Variants in COL9A3 observed in about 807,000 individuals in gnomAD.
The protein encoded by COL9A3 is collagen type IX alpha 3 chain, also known as collagen alpha-3(IX) chain.
COL9A3 carries 82 observed loss-of-function variants against 110.2 expected under a neutral mutation model. The observed-to-expected ratio is 0.74, with a 90% CI of 0.62 to 0.89. COL9A3 has a LOEUF of 0.89. Among genes scored for constraint, COL9A3 ranks in the 40% least tolerant of loss-of-function variants. COL9A3 has a pLI of 0.00. For missense variants in COL9A3, 1,066 were observed against 981.3 expected, an observed-to-expected ratio of 1.09 and a Z score of -1.15; for synonymous variants, 494 against 403.8, an observed-to-expected ratio of 1.22 and a Z score of -2.68.
intron 26 of COL9A3, among the ~76,000 whole-genome samples, chr20:62,835,357 CAG>C (rs962945882): frequency 6.6e-6 from 1 of 152,152 alleles, no homozygotes; most frequent in Non-Finnish European, 1.5e-5. Flanking sequence ...GAGGAGGTGC[CAG>C]AGAGAGAAAG....
In COL9A3 at chr20:62,831,857, C is replaced by T. The variant is rs760084; in HGVS notation, c.1288-297C>T. The T allele has an allele frequency of 0.14, 68,849 of 496,236 alleles. 5,401 individuals are homozygous for T. The highest frequency in any genetic ancestry group is 0.16 in the Non-Finnish European group (42,169 of 269,122). 30.7% of individuals were successfully genotyped at this position (496,236 alleles called of 1,614,324 possible). On this transcript the variant is annotated intron_variant, in intron 24 of 31. Coordinates refer to ENST00000649368, the MANE Select transcript of COL9A3 (RefSeq NM_001853.4). ...TTTTGCATCTTTGACTCTACTGTGACGGAATTATCCTGCAATTGTGCAGAA... is the reference window on the plus strand; with the variant it reads ...TTTTGCATCTTTGACTCTACTGTGATGGAATTATCCTGCAATTGTGCAGAA...
chr20:62,838,052 A>G (rs774543572), intron 30 of COL9A3, among the ~76,000 whole-genome samples: 1 of 152,248 alleles, frequency 6.6e-6, no homozygotes, highest in African/African-American at 2.4e-5. Context: ...TGGGTGGAAA[A>G]TCATTTAAAA....
rs565277288 is a variant in COL9A3 at position 62,824,220 on chromosome 20, C to T, written c.520-225C>T. On this transcript the variant is annotated intron_variant, in intron 10 of 31. Coordinates refer to ENST00000649368, the MANE Select transcript of COL9A3 (RefSeq NM_001853.4). ...TGGCCTCCCGGGGCCCCGTCACCCA[C>T]GTGGAGTGGCCTCCTGGGGTCCCAT... Among the ~76,000 whole-genome samples, 100 of 109,602 alleles carry T rather than the reference C, an allele frequency of 9.1e-4. 1 individual carries two copies. Among genetic ancestry groups the T allele is most frequent in the African/African-American group, 2.9e-3 (96 of 32,938 alleles). 71.9% of individuals were successfully genotyped at this position (109,602 alleles called of 152,430 possible).
At position 62,825,799 on chromosome 20, in the gene COL9A3, C is replaced by T. The variant is rs2063547473; in HGVS notation, c.631-18C>T. On this transcript the variant is annotated intron_variant, in intron 12 of 31. Coordinates refer to ENST00000649368, the MANE Select transcript of COL9A3 (RefSeq NM_001853.4). Reference sequence around the variant, plus strand: ...GAGCCAGACTGGGCCGCTGACCACCCTATCCCCTCTGTTTCAGGGTGACCC... The same window carrying T: ...GAGCCAGACTGGGCCGCTGACCACCTTATCCCCTCTGTTTCAGGGTGACCC... 2 of 1,551,938 alleles carry T rather than the reference C, an allele frequency of 1.3e-6. No individual in the cohort carries two copies. The highest frequency in any genetic ancestry group is 1.7e-4 in the Middle Eastern group (1 of 5,986).
intron 13 of COL9A3, 138 bp downstream of exon 13, chr20:62,826,008 C>G: frequency 8.7e-7 from 1 of 1,150,560 alleles, no homozygotes; most frequent in Non-Finnish European, 1.2e-6. Context: ...GGAGCGCGAC[C>G]TGGCTGGGGG....
intron 15 of COL9A3, 73 bp downstream of exon 15, chr20:62,826,893 G>T: frequency 1.3e-6 from 2 of 1,529,278 alleles, no homozygotes; most frequent in South Asian, 2.4e-5. Flanking sequence ...CCTCTCAGAC[G>T]CCCCCAGCCC....
intron 19 of COL9A3, 151 bp from the exon 20 acceptor site, chr20:62,829,304 G>T (rs2734525): frequency 8.4e-6 from 9 of 1,070,234 alleles, no homozygotes; most frequent in Non-Finnish European, 1.1e-5. Context: ...TGTCAAAGCC[G>T]CACCTCAGGT....
intron 27 of COL9A3, 107 bp downstream of exon 27, chr20:62,836,060 G>C (rs1223969057): frequency 1.0e-5 from 16 of 1,607,160 alleles, no homozygotes; most frequent in Non-Finnish European, 1.4e-5. Context: ...CCAGATCCGA[G>C]ATGTAAAAAA....
chr20:62,830,596 G>GC lies in COL9A3; in HGVS notation c.1287+11dup, dbSNP rs1184252368. On this transcript the variant is annotated intron_variant, in intron 24 of 31. Transcript: ENST00000649368. ...GGTGACGTGGGCGACCGGGTAAGTG[G>GC]CCCTCTCAGCAGGAAGCTCCCCTGC... The GC allele has an allele frequency of 6.3e-7, 1 of 1,576,654 alleles. No homozygotes were observed. The highest frequency in any genetic ancestry group is 8.6e-7 in the Non-Finnish European group (1 of 1,165,838).
chr20:62,835,979 G>A, intron 27 of COL9A3, 26 bp downstream of exon 27: 1 of 1,614,170 alleles, frequency 6.2e-7, no homozygotes, highest in Non-Finnish European at 8.5e-7. Flanking sequence ...CTGTTCCGAT[G>A]ACACCATCCA....
At chr20:62,820,118 G>A (rs1991071221) in intron 5 of COL9A3, 136 bp downstream of exon 5, 3 of 1,004,224 alleles carry the variant, frequency 3.0e-6, no homozygotes, top group Non-Finnish European at 4.6e-6. Flanking sequence ...TGGGGTGGAG[G>A]GGCAGAAGGG....
chr20:62,826,151 C>T lies in COL9A3; in HGVS notation c.685-53C>T, dbSNP rs1240427605. The T allele has an allele frequency of 5.2e-6, 8 of 1,534,892 alleles. No homozygotes were observed. The East Asian group carries it at 9.8e-5, about 19-fold the overall frequency. On this transcript the variant is annotated intron_variant, in intron 13 of 31. Coordinates refer to ENST00000649368, the MANE Select transcript of COL9A3 (RefSeq NM_001853.4). ...CCCGAGGGCCTTGGCCCTGGGTGCT[C>T]CCCGGGGTGGAGGTGCAGCCCCAGC...
chr20:62,817,674 G>C, intron 2 of COL9A3, 39 bp downstream of exon 2: 3 of 1,425,010 alleles, frequency 2.1e-6, no homozygotes, highest in Non-Finnish European at 2.8e-6. Flanking sequence ...GCGCTCTGGG[G>C]TTCTGGCTCT....
In COL9A3 at chr20:62,840,741, G is replaced by A. The variant is rs116108376; in HGVS notation, c.*9G>A. ...GCTCTCGAAGCTCATAAAATTCAAC[G>A]TGAGGAAGCAAGTGACAAGGACGCC... On this transcript the variant is annotated 3_prime_UTR_variant, in exon 32 of 32. Coordinates refer to ENST00000649368, the MANE Select transcript of COL9A3 (RefSeq NM_001853.4). 2,741 of 1,558,860 alleles carry A rather than the reference G, an allele frequency of 1.8e-3. 51 individuals carry two copies. The African/African-American group carries it at 0.034, about 19-fold the overall frequency.
In COL9A3 at chr20:62,840,664, G is replaced by A. The variant is rs149805455; in HGVS notation, c.1987G>A (p.Asp663Asn). ...IGAQGTPGIC[D>N]TSACQGAVLG... ...GGCCCAGGGGACACCGGGGATCTGC[G>A]ACACCTCAGCCTGCCAAGGAGCCGT... is the stretch of plus-strand genomic sequence containing the variant. The change falls in exon 32 of 32, where the codon GAC becomes AAC. Residue 663 changes from aspartate (D) to asparagine (N), a missense_variant. Asp to Asn is a conservative substitution (Grantham distance 23, BLOSUM62 1). Coordinates refer to ENST00000649368, the MANE Select transcript of COL9A3 (RefSeq NM_001853.4). 31 of 1,606,992 alleles carry A rather than the reference G, an allele frequency of 1.9e-5. No homozygotes were observed. The highest frequency in any genetic ancestry group is 5.6e-5 in the South Asian group (5 of 89,910).
intron 1 of COL9A3, 47 bp downstream of exon 1, chr20:62,817,189 G>A: frequency 7.9e-7 from 1 of 1,267,702 alleles, no homozygotes; most frequent in Non-Finnish European, 1.0e-6. Flanking sequence ...AGCCGCGACC[G>A]CCCCAGCCCC....
In COL9A3 at chr20:62,830,560, A is replaced by G. The variant is rs772405173; in HGVS notation, c.1259A>G (p.Gln420Arg). ...GGAGACCCCGGCCTTCCAGGCCCCC[A>G]GGGCCTCCGAGGTGACGTGGGCGAC... ...SMGDPGLPGPQGLRGDVGDRG... is the reference protein window; with the variant it reads ...SMGDPGLPGPRGLRGDVGDRG... The change falls in exon 24 of 32, where the codon CAG becomes CGG. Residue 420 changes from glutamine to arginine, a missense_variant. By Grantham distance (43) the Gln-to-Arg change is conservative (BLOSUM62 1). Transcript: ENST00000649368. 147 of 1,605,076 alleles carry G rather than the reference A, an allele frequency of 9.2e-5. No individual in the cohort carries two copies. Among genetic ancestry groups the G allele is most frequent in the Middle Eastern group, 1.7e-4 (1 of 6,022 alleles).
At chr20:62,829,899 G>T in intron 22 of COL9A3, 80 bp downstream of exon 22, 3 of 1,501,020 alleles carry the variant, frequency 2.0e-6, no homozygotes, top group Non-Finnish European at 2.7e-6. Context: ...AGCAGGCCGG[G>T]GTGGCATTTG....
Position 62,837,104 on chromosome 20 carries a change from C to G in COL9A3, c.1625C>G (p.Ala542Gly), listed in dbSNP as rs753247678. ...AAAGAACAAATTGCACAGTTAGCCG[C>G]GCACCTAAGGAAGCCTTTGGCACCC... ...MISEQIAQLA[A>G]HLRKPLAPGS... is the part of the protein sequence containing the mutation. The change falls in exon 30 of 32, where the codon GCG becomes GGG. Residue 542 changes from alanine (A) to glycine (G), a missense_variant. Physicochemically the swap from Ala to Gly is moderately conservative, Grantham distance 60. Transcript: ENST00000649368. 6.8e-6 allele frequency: 11 copies of G among 1,613,484 alleles called. No homozygotes were observed. Among genetic ancestry groups the G allele is most frequent in the Non-Finnish European group, 9.3e-6 (11 of 1,180,018 alleles).
Sources: allele counts gnomAD v4.1 joint callset (sites outside exome capture counted in the v4.1 genomes callset), GRCh38; gene constraint gnomAD v4.1.1; transcripts MANE v1.5; gene names NCBI Gene and HGNC (gene_info 2026-07-23, HGNC 2026-07-21).